SH3BP4: variants seen among roughly 807,000 people sequenced by gnomAD.
SH3BP4 encodes SH3 domain binding protein 4, also known as SH3 domain-binding protein 4.
Under a neutral mutation model 65.5 loss-of-function variants are expected in SH3BP4, and 33 were observed. The ratio of observed to expected loss-of-function variants is 0.50; its 90% CI spans 0.38 to 0.67. SH3BP4 has a LOEUF of 0.67. Among genes scored for constraint, SH3BP4 ranks in the 30% least tolerant of loss-of-function variants. SH3BP4 has a pLI of 0.00. For missense variants in SH3BP4, 1,134 were observed against 1,261.4 expected (o/e 0.90, Z 1.53); for synonymous variants, 552 against 545.5 (o/e 1.01, Z -0.17).
At chr2:234,995,194 G>A (rs1693873763) in intron 1 of SH3BP4, 109 bp from the exon 2 acceptor site, 2 of 152,408 alleles carry the variant, frequency 1.3e-5, no homozygotes, top group Non-Finnish European at 2.9e-5. Flanking sequence ...GAAATGCACT[G>A]CAGAGCCCGT....
At chr2:234,987,320 T>C (rs1178657454) in intron 1 of SH3BP4, among the ~76,000 whole-genome samples, 4 of 147,096 alleles carry the variant, frequency 2.7e-5, no homozygotes, top group African/African-American at 9.8e-5. Flanking sequence ...TCTGGTATAT[T>C]TCAAAGAAAA....
At chr2:235,020,871 G>T (rs919168680) in intron 2 of SH3BP4, among the ~76,000 whole-genome samples, 5 of 152,184 alleles carry the variant, frequency 3.3e-5, no homozygotes, top group African/African-American at 1.2e-4. Context: ...GTGATTGGTA[G>T]TGCCAAGGCC....
At chr2:235,023,194 C>T (rs1010848009) in intron 2 of SH3BP4, among the ~76,000 whole-genome samples, 30 of 152,266 alleles carry the variant, frequency 2.0e-4, no homozygotes, top group Middle Eastern at 3.4e-3. Context: ...TTGCTCGTAG[C>T]ATGGCCTTAC....
rs1171887560 is a variant in SH3BP4 at position 234,967,994 on chromosome 2, G to A, written c.-207+15824G>A. ...GCACCTGCTGGGTTTCCTGCCACCT[G>A]TGGAGAAGCCCGCTCCTTCCCTTGC... On this transcript the variant is annotated intron_variant, in intron 1 of 5. Transcript: ENST00000392011. The surrounding 1 kb of genome is among the most constrained non-coding windows in gnomAD (Gnocchi z 4.6). 2.0e-5 allele frequency among the ~76,000 whole-genome samples: 3 copies of A among 152,138 alleles called. No individual in the cohort carries two copies. The highest frequency in any genetic ancestry group is 2.0e-4 in the Admixed American group (3 of 15,280).
At chr2:234,984,286 T>A (rs926381097) in intron 1 of SH3BP4, among the ~76,000 whole-genome samples, 1 of 152,120 alleles carries the variant, frequency 6.6e-6, no homozygotes, top group Non-Finnish European at 1.5e-5. Context: ...CACTGCAACC[T>A]CGACCTCTGG....
In SH3BP4 at chr2:234,952,226, G is replaced by T; in HGVS notation, c.-207+56G>T. On this transcript the variant is annotated intron_variant, in intron 1 of 5. Transcript: ENST00000392011. The surrounding 1 kb of genome is among the most constrained non-coding windows in gnomAD (Gnocchi z 6.5). ...GCGGCAGGGCCCTGGGGGCCGGCGG[G>T]GGCGCGGGGTCGTGCTCGGGGGCTT... 6.7e-6 allele frequency: 1 copy of T among 150,110 alleles called. No individual in the cohort carries two copies. The highest frequency in any genetic ancestry group is 1.8e-4 in the South Asian group (1 of 5,482). The allele number at this position is 150,110 out of a possible 1,614,324, so 9.3% of individuals were successfully genotyped here. A position where few individuals can be genotyped will look rare whatever the true frequency, so the allele number is the denominator to read the frequency against.
chr2:235,053,719 G>A lies in SH3BP4; in HGVS notation c.2795G>A (p.Trp932Ter). The change falls in exon 6 of 6, where the codon TGG becomes TAG. Residue 932 changes from tryptophan to a stop codon, truncating the protein, a stop_gained. Transcript: ENST00000392011. LOFTEE classifies it high-confidence loss of function. Reference sequence around the variant, plus strand: ...ATGAAAAACCCCATCACCAAGCGCTGGAAGCACCTCACTGGGACTCTGATC... The same window carrying A: ...ATGAAAAACCCCATCACCAAGCGCTAGAAGCACCTCACTGGGACTCTGATC... ...DKMKNPITKR[W>*]KHLTGTLILV... 2 of 1,614,220 alleles carry A rather than the reference G, an allele frequency of 1.2e-6. No homozygotes were observed. Among genetic ancestry groups the A allele is most frequent in the Non-Finnish European group, 8.5e-7 (1 of 1,180,044 alleles).
intron 1 of SH3BP4, chr2:234,979,742 G>A (rs1048496027): frequency 2.0e-5 from 3 of 152,220 alleles, no homozygotes; most frequent in African/African-American, 7.2e-5. Context: ...GGCCTCCCCC[G>A]GCAGCCAGCA....
chr2:234,981,335 C>A (rs7568003), intron 1 of SH3BP4, among the ~76,000 whole-genome samples: 52,237 of 151,864 alleles, frequency 0.34, 9,376 homozygotes, highest in African/African-American at 0.45. Flanking sequence ...TCTGTGGCTC[C>A]CCCTCTAGTC....
intron 2 of SH3BP4, among the ~76,000 whole-genome samples, chr2:235,012,461 GATC>G: frequency 6.6e-6 from 1 of 152,340 alleles, no homozygotes; most frequent in South Asian, 2.1e-4. Flanking sequence ...GTCATGTTTG[GATC>G]ATTGTACATC....
At position 234,974,529 on chromosome 2, in the gene SH3BP4, A is replaced by G. The variant is rs1317458083; in HGVS notation, c.-206-20774A>G. On this transcript the variant is annotated intron_variant, in intron 1 of 5. Coordinates refer to ENST00000392011, the MANE Select transcript of SH3BP4 (RefSeq NM_014521.3). The surrounding 1 kb of genome is among the most constrained non-coding windows in gnomAD (Gnocchi z 4.6). Reference sequence around the variant, plus strand: ...GGAGTATCCTGCATCCCACCACAGGATGTGCTGAGTCCACTTGGAAGCCCA... The same window carrying G: ...GGAGTATCCTGCATCCCACCACAGGGTGTGCTGAGTCCACTTGGAAGCCCA... Among the ~76,000 whole-genome samples, 1 of 152,072 alleles carries G rather than the reference A, an allele frequency of 6.6e-6. No homozygotes were observed.
intron 2 of SH3BP4, among the ~76,000 whole-genome samples, chr2:235,013,187 A>G (rs1027794526): frequency 6.6e-6 from 1 of 152,346 alleles, no homozygotes; most frequent in Admixed American, 6.5e-5. Context: ...ACATCTGGCC[A>G]GCGTGGGAAG....
intron 1 of SH3BP4, among the ~76,000 whole-genome samples, chr2:234,972,325 G>A (rs760396474): frequency 5.3e-5 from 8 of 151,878 alleles, no homozygotes; most frequent in Non-Finnish European, 1.2e-4. Context: ...GTAGAGACAG[G>A]GCTTTACCAT....
intron 2 of SH3BP4, among the ~76,000 whole-genome samples, chr2:235,015,296 T>A (rs1448504674): frequency 2.0e-5 from 3 of 152,226 alleles, no homozygotes; most frequent in African/African-American, 7.2e-5. Context: ...GACTTTGAGC[T>A]ATTATTGAGG....
intron 4 of SH3BP4, 81 bp downstream of exon 4, chr2:235,043,328 GGC>G (rs1427732552): frequency 8.3e-7 from 1 of 1,201,766 alleles, no homozygotes; most frequent in African/African-American, 1.5e-5. Context: ...CATGGGCGTG[GGC>G]CGTGGTGTCG....
In SH3BP4 at chr2:234,974,123, T is replaced by A. The variant is rs565338412; in HGVS notation, c.-206-21180T>A. On this transcript the variant is annotated intron_variant, in intron 1 of 5. Transcript: ENST00000392011. The surrounding 1 kb of genome is among the most constrained non-coding windows in gnomAD (Gnocchi z 4.6). ...GCTCACCCCTGTAATCCCAGCACTTTGGGAGGCCGAGGCAGGTGGATCACC... is the reference window on the plus strand; with the variant it reads ...GCTCACCCCTGTAATCCCAGCACTTAGGGAGGCCGAGGCAGGTGGATCACC... Among the ~76,000 whole-genome samples the A allele has an allele frequency of 2.0e-5, 3 of 152,146 alleles. No individual in the cohort carries two copies. The East Asian group carries it at 5.9e-4, about 30-fold the overall frequency.
At chr2:234,953,370 A>T (rs1427742822) in intron 1 of SH3BP4, among the ~76,000 whole-genome samples, 1 of 152,120 alleles carries the variant, frequency 6.6e-6, no homozygotes, top group Non-Finnish European at 1.5e-5. Flanking sequence ...GAATCCCTGA[A>T]TGCAGCCGCC....
At chr2:234,998,662 A>G (rs1349037380) in intron 2 of SH3BP4, among the ~76,000 whole-genome samples, 1 of 152,186 alleles carries the variant, frequency 6.6e-6, no homozygotes, top group Non-Finnish European at 1.5e-5. Flanking sequence ...TCTCGTTTCA[A>G]AACTTCGTCA....
Position 234,977,798 on chromosome 2 carries a change from C to G in SH3BP4, c.-206-17505C>G, listed in dbSNP as rs552605719. Among the ~76,000 whole-genome samples the G allele has an allele frequency of 6.6e-6, 1 of 152,270 alleles. No individual in the cohort carries two copies. The highest frequency in any genetic ancestry group is 1.9e-4 in the East Asian group (1 of 5,174). On this transcript the variant is annotated intron_variant, in intron 1 of 5. Coordinates refer to ENST00000392011, the MANE Select transcript of SH3BP4 (RefSeq NM_014521.3). This position sits in a 1 kb window ranked among gnomAD's most constrained non-coding sequence, Gnocchi z 5.1. Reference sequence around the variant, plus strand: ...AAAGACACGCACACGCATATGCACACACATGGGCACACACACACATGCGTG... The same window carrying G: ...AAAGACACGCACACGCATATGCACAGACATGGGCACACACACACATGCGTG...
Sources: gnomAD v4.1 joint callset for allele counts (sites outside exome capture counted in the v4.1 genomes callset) on GRCh38, gnomAD v4.1.1 for gene constraint, Gnocchi (gnomAD v3.1) non-coding constraint, MANE v1.5 for transcripts, NCBI Gene and HGNC (gene_info 2026-07-23, HGNC 2026-07-21) for gene names.